Variants in DOCK1 observed in about 807,000 individuals in gnomAD.
DOCK1 encodes the protein dedicator of cytokinesis protein 1.
Under a neutral mutation model 262.7 loss-of-function variants are expected in DOCK1, and 138 were observed. The observed-to-expected ratio is 0.53, with a 90% CI of 0.46 to 0.61. DOCK1 has a LOEUF of 0.61. Ranked by LOEUF, DOCK1 falls within the 20% of genes least tolerant of loss-of-function variation. DOCK1 has a pLI of 0.00. For missense variants in DOCK1, 1,908 were observed against 2,370.7 expected, an observed-to-expected ratio of 0.80 and a Z score of 4.05; for synonymous variants, 866 against 867.4, an observed-to-expected ratio of 1.00 and a Z score of 0.03.
Position 127,205,455 on chromosome 10 carries a change from A to G in DOCK1, c.2848-42553A>G, listed in dbSNP as rs147232895. Among the ~76,000 whole-genome samples the G allele has an allele frequency of 2.8e-4, 42 of 152,102 alleles. No individual in the cohort carries two copies. The East Asian group carries it at 7.5e-3, about 27-fold the overall frequency. The stretch of plus-strand genomic sequence containing the variant: ...TGCATTCGATTTGATATTTTACAGA[A>G]CCTCTACTGAGAAAATAGGGTAAGC... On this transcript the variant is annotated intron_variant, in intron 27 of 51. Coordinates refer to ENST00000623213, the MANE Select transcript of DOCK1 (RefSeq NM_001290223.2).
intron 29 of DOCK1, among the ~76,000 whole-genome samples, chr10:127,325,214 C>A (rs1354599208): frequency 6.6e-6 from 1 of 152,112 alleles, no homozygotes; most frequent in Non-Finnish European, 1.5e-5. Flanking sequence ...ATAAGAATAG[C>A]CGAAGCACCC....
chr10:127,404,221 C>G, intron 39 of DOCK1, 104 bp from the exon 40 acceptor site: 1 of 854,584 alleles, frequency 1.2e-6, no homozygotes, highest in South Asian at 1.6e-5. Context: ...CCCCCTCCCA[C>G]CCTATAGAAG....
chr10:126,959,824 CT>C (rs1224124335), intron 1 of DOCK1, among the ~76,000 whole-genome samples: 9 of 149,704 alleles, frequency 6.0e-5, no homozygotes, highest in East Asian at 3.9e-4. Context: ...TAGTTTCTTT[CT>C]TTTTTTTTTG....
chr10:127,331,776 C>G (rs1173446216), intron 29 of DOCK1, among the ~76,000 whole-genome samples: 1 of 152,130 alleles, frequency 6.6e-6, no homozygotes, highest in Non-Finnish European at 1.5e-5. Flanking sequence ...TAGAAGTACT[C>G]AAGTGTCCAT....
chr10:127,384,738 C>T (rs878563), intron 37 of DOCK1, 52 bp from the exon 38 acceptor site: 388,205 of 1,481,458 alleles, frequency 0.26, 53,015 homozygotes, highest in East Asian at 0.44. Context: ...ACCATTCTGA[C>T]GTCCCTGGGT....
At chr10:127,351,926 G>A (rs1374584502) in intron 31 of DOCK1, among the ~76,000 whole-genome samples, 1 of 151,934 alleles carries the variant, frequency 6.6e-6, no homozygotes, top group Non-Finnish European at 1.5e-5. Flanking sequence ...CACTGCTGCT[G>A]CTCCCTTGTC....
intron 1 of DOCK1, among the ~76,000 whole-genome samples, chr10:126,965,997 G>C (rs1336557120): frequency 5.9e-5 from 9 of 152,116 alleles, no homozygotes; most frequent in Non-Finnish European, 1.3e-4. Flanking sequence ...GTATCCTTTA[G>C]CAAATTTCTC....
chr10:126,911,234 G>T (rs994062004), intron 1 of DOCK1, among the ~76,000 whole-genome samples: 2 of 152,154 alleles, frequency 1.3e-5, no homozygotes, highest in African/African-American at 4.8e-5. Context: ...GCTTGTGTAG[G>T]TGTGTAGTTG....
intron 27 of DOCK1, among the ~76,000 whole-genome samples, chr10:127,169,801 G>A (rs2054396581): frequency 6.6e-6 from 1 of 152,166 alleles, no homozygotes; most frequent in Admixed American, 6.5e-5. Context: ...TCTTAAGTAT[G>A]TGTATGTGCA....
chr10:127,378,628 G>T (rs559286217), intron 35 of DOCK1, among the ~76,000 whole-genome samples: 1 of 152,130 alleles, frequency 6.6e-6, no homozygotes, highest in South Asian at 2.1e-4. Flanking sequence ...AATGAAGGTC[G>T]CATGATATTC....
At chr10:127,274,128 G>T (rs575726986) in intron 29 of DOCK1, among the ~76,000 whole-genome samples, 5 of 152,122 alleles carry the variant, frequency 3.3e-5, no homozygotes, top group Non-Finnish European at 7.4e-5. Flanking sequence ...CAAAAAAAGT[G>T]CATGATGAAG....
intron 32 of DOCK1, among the ~76,000 whole-genome samples, chr10:127,356,337 T>G (rs1345170411): frequency 6.6e-6 from 1 of 152,228 alleles, no homozygotes; most frequent in African/African-American, 2.4e-5. Context: ...CATGGCTCAG[T>G]CTTTCTGGGC....
At chr10:127,024,996 G>T in intron 15 of DOCK1, 2 of 431,946 alleles carry the variant, frequency 4.6e-6, no homozygotes, top group Non-Finnish European at 4.2e-6. Flanking sequence ...AAAATAGGAC[G>T]TTCATGGAGA....
At chr10:127,197,505 G>A (rs1412311682) in intron 27 of DOCK1, among the ~76,000 whole-genome samples, 1 of 152,282 alleles carries the variant, frequency 6.6e-6, no homozygotes, top group African/African-American at 2.4e-5. Flanking sequence ...CAGGGCTCCT[G>A]GCCCCCTGGA....
At chr10:127,031,382 G>T (rs907580109) in intron 16 of DOCK1, among the ~76,000 whole-genome samples, 6 of 152,092 alleles carry the variant, frequency 3.9e-5, no homozygotes, top group Non-Finnish European at 8.8e-5. Context: ...CCGTTTTCAC[G>T]TTCCAGGAAA....
At chr10:127,378,065 G>A (rs774500834) in intron 35 of DOCK1, among the ~76,000 whole-genome samples, 7 of 151,926 alleles carry the variant, frequency 4.6e-5, no homozygotes, top group Non-Finnish European at 1.0e-4. Context: ...GCTCATAATC[G>A]AGCATCTTTA....
chr10:127,301,376 C>A (rs2061673431), intron 29 of DOCK1, among the ~76,000 whole-genome samples: 1 of 152,132 alleles, frequency 6.6e-6, no homozygotes, highest in African/African-American at 2.4e-5. Flanking sequence ...TTGAGCCTAG[C>A]TAAATAACTC....
intron 46 of DOCK1, 110 bp downstream of exon 46, chr10:127,419,859 TGCACGTG>T (rs1391699714): frequency 1.7e-6 from 2 of 1,150,160 alleles, no homozygotes; most frequent in African/African-American, 3.1e-5. Flanking sequence ...GCAGTCCTGA[TGCACGTG>T]GCTGTGATTG....
At chr10:126,994,717 T>A (rs1423323002) in intron 6 of DOCK1, among the ~76,000 whole-genome samples, 4 of 152,234 alleles carry the variant, frequency 2.6e-5, no homozygotes, top group African/African-American at 9.6e-5. Flanking sequence ...CATGTCTACT[T>A]CTTTCTACAC....
Sources: gnomAD v4.1 joint callset for allele counts (sites outside exome capture counted in the v4.1 genomes callset) on GRCh38, gnomAD v4.1.1 for gene constraint, MANE v1.5 for transcripts, NCBI Gene and HGNC (gene_info 2026-07-23, HGNC 2026-07-21) for gene names.